OR1L6: variants seen among roughly 807,000 people sequenced by gnomAD.
The protein encoded by OR1L6 is olfactory receptor family 1 subfamily L member 6.
OR1L6 carries 2 observed loss-of-function variants against 3.0 expected under a neutral mutation model. The observed-to-expected ratio is 0.68, with a 90% CI of 0.28 to 2.13. The LOEUF is 2.13. Ranked by LOEUF, OR1L6 falls within the 30% of genes most tolerant of loss-of-function variation. OR1L6 has a pLI of 0.14. For synonymous variants in OR1L6, 121 were observed against 148.4 expected (o/e 0.82, Z 1.34); for missense variants, 304 against 378.4 (o/e 0.80, Z 1.63).
At chr9:122,749,656 T>G in intron 1 of OR1L6, 179 bp from the exon 2 acceptor site, 1 of 685,972 alleles carries the variant, frequency 1.5e-6, no homozygotes, top group East Asian at 2.5e-5. Flanking sequence ...TGCAGTGAGC[T>G]GAGATCACGC....
At chr9:122,743,245 C>A (rs1270372407) in intron 1 of OR1L6, among the ~76,000 whole-genome samples, 2 of 152,062 alleles carry the variant, frequency 1.3e-5, no homozygotes, top group Non-Finnish European at 2.9e-5. Context: ...ATCAGTGATT[C>A]CCAGGAGAAG....
chr9:122,749,768 T>A, intron 1 of OR1L6, 67 bp from the exon 2 acceptor site: 1 of 1,401,970 alleles, frequency 7.1e-7, no homozygotes, highest in Non-Finnish European at 1.0e-6. Context: ...CTTAAGCTTA[T>A]GAAAGAAGCT....
chr9:122,749,508 T>G (rs1828868068), intron 1 of OR1L6, among the ~76,000 whole-genome samples: 3 of 152,138 alleles, frequency 2.0e-5, no homozygotes, highest in Admixed American at 2.0e-4. Context: ...GTAAATATTT[T>G]TTAAAACTGT....
chr9:122,745,408 C>CTTTTTTTTTT lies in OR1L6; in HGVS notation c.-14+3044_-14+3053dup, dbSNP rs71892392. Among the ~76,000 whole-genome samples, 10 of 87,708 alleles carry CTTTTTTTTTT rather than the reference C, an allele frequency of 1.1e-4. 3 individuals carry two copies. The highest frequency in any genetic ancestry group is 1.8e-4 in the African/African-American group (4 of 21,732). 57.5% of individuals were successfully genotyped at this position (87,708 alleles called of 152,430 possible). A position where few individuals can be genotyped will look rare whatever the true frequency, so the allele number is the denominator to read the frequency against. On this transcript the variant is annotated intron_variant, in intron 1 of 1. Transcript: ENST00000304720. The stretch of plus-strand genomic sequence containing the variant: ...ACGAAATGACTATAAATAAACACAC[C>CTTTTTTTTTT]TTTTTTTTTTTTTTTTTTATTTGAG...
At chr9:122,745,994 A>G (rs1404960544) in intron 1 of OR1L6, among the ~76,000 whole-genome samples, 1 of 151,964 alleles carries the variant, frequency 6.6e-6, no homozygotes, top group Non-Finnish European at 1.5e-5. Flanking sequence ...CATGCATTAC[A>G]TATTTGTCCT....
Position 122,745,834 on chromosome 9 carries a change from T to TA in OR1L6, c.-14+3469dup, listed in dbSNP as rs911142788. Among the ~76,000 whole-genome samples, 8 of 151,960 alleles carry TA rather than the reference T, an allele frequency of 5.3e-5. No homozygotes were observed. In the East Asian group the frequency reaches 5.8e-4, roughly 11 times the overall value. ...TCTTTCCACACCACAACAAACACAT[T>TA]AAAAAAAATACTTTTCTTTACAAAA... is the stretch of plus-strand genomic sequence containing the variant. On this transcript the variant is annotated intron_variant, in intron 1 of 1. Transcript: ENST00000304720.
chr9:122,749,658 A>G, intron 1 of OR1L6, 177 bp from the exon 2 acceptor site: 1 of 691,510 alleles, frequency 1.4e-6, no homozygotes. Context: ...CAGTGAGCTG[A>G]GATCACGCCA....
At position 122,750,695 on chromosome 9, in the gene OR1L6, C is replaced by T. The variant is rs1436315145; in HGVS notation, c.848C>T (p.Thr283Ile). 1.2e-6 allele frequency: 2 copies of T among 1,613,840 alleles called. No individual in the cohort carries two copies. Among genetic ancestry groups the T allele is most frequent in the Non-Finnish European group, 1.7e-6 (2 of 1,180,024 alleles). Residue 283 changes from threonine (T) to isoleucine (I), a missense_variant, in exon 2 of 2, where the codon ACA becomes ATA. Coordinates refer to ENST00000304720, the MANE Select transcript of OR1L6 (RefSeq NM_001004453.3). ...RVATVMYTVV[T>I]PMLNPFIYSL... The stretch of plus-strand genomic sequence containing the variant: ...GCCACAGTTATGTACACAGTAGTGA[C>T]ACCCATGCTGAACCCTTTCATCTAC...
At chr9:122,747,398 C>T (rs1828846686) in intron 1 of OR1L6, among the ~76,000 whole-genome samples, 1 of 151,788 alleles carries the variant, frequency 6.6e-6, no homozygotes, top group Non-Finnish European at 1.5e-5. Flanking sequence ...TAATTTTTTT[C>T]AAAATTATTT....
chr9:122,746,395 T>C (rs1351868086), intron 1 of OR1L6, among the ~76,000 whole-genome samples: 8 of 152,216 alleles, frequency 5.3e-5, no homozygotes, highest in Non-Finnish European at 1.0e-4. Context: ...AAATATTGGC[T>C]AACATTACCC....
At position 122,750,615 on chromosome 9, in the gene OR1L6, T is replaced by G. The variant is rs769509826; in HGVS notation, c.768T>G (p.Ile256Met). The G allele has an allele frequency of 6.2e-7, 1 of 1,614,186 alleles. No homozygotes were observed. The highest frequency in any genetic ancestry group is 1.7e-5 in the Admixed American group (1 of 60,024). ...LTAVALFYGSIIYVYFRPLSM... is the reference protein window; with the variant it reads ...LTAVALFYGSMIYVYFRPLSM... ...CAGTAGCCCTTTTCTATGGGAGTAT[T>G]ATTTATGTCTATTTTAGGCCCCTGT... The change falls in exon 2 of 2, where the codon ATT (isoleucine) becomes ATG (methionine). Residue 256 changes from isoleucine to methionine, a missense_variant. This residue lies in a region of OR1L6 where 91 missense variants were observed against 87.8 expected (regional missense o/e 1.04). Transcript: ENST00000304720.
chr9:122,744,852 G>A (rs184897944), intron 1 of OR1L6, among the ~76,000 whole-genome samples: 52 of 152,264 alleles, frequency 3.4e-4, no homozygotes, highest in Non-Finnish European at 5.4e-4. Flanking sequence ...TGACTTGCCC[G>A]AGGCATGAGG....
Position 122,750,221 on chromosome 9 carries a change from T to C in OR1L6, c.374T>C (p.Val125Ala), listed in dbSNP as rs776314638. The C allele has an allele frequency of 3.1e-6, 5 of 1,613,592 alleles. No individual in the cohort carries two copies. Among genetic ancestry groups the C allele is most frequent in the Non-Finnish European group, 4.2e-6 (5 of 1,179,954 alleles). The change falls in exon 2 of 2, where the codon GTG becomes GCG. Residue 125 changes from valine (V) to alanine (A), a missense_variant. Val to Ala is a moderately conservative substitution (Grantham distance 64, BLOSUM62 0). Transcript: ENST00000304720. ...LLASMAIDRL[V>A]AICNPLHYDV... ...GCCTCTATGGCCATCGACCGGCTGG[T>C]GGCCATCTGCAACCCCTTACACTAT... is the stretch of plus-strand genomic sequence containing the variant.
chr9:122,743,162 G>A (rs112437170), intron 1 of OR1L6, among the ~76,000 whole-genome samples: 55 of 152,328 alleles, frequency 3.6e-4, no homozygotes, highest in African/African-American at 1.2e-3. Context: ...GGAGGCACCA[G>A]GAAGAACTAA....
intron 1 of OR1L6, among the ~76,000 whole-genome samples, chr9:122,744,320 G>A (rs1054316343): frequency 5.9e-5 from 9 of 152,052 alleles, no homozygotes; most frequent in African/African-American, 2.2e-4. Flanking sequence ...TGTACTCCCC[G>A]GTTTCATTTG....
intron 1 of OR1L6, among the ~76,000 whole-genome samples, chr9:122,744,942 A>G (rs1314983233): frequency 6.6e-6 from 1 of 152,216 alleles, no homozygotes; most frequent in Non-Finnish European, 1.5e-5. Context: ...ATAAATTTGG[A>G]AAATTCCAAG....
At chr9:122,745,149 T>C (rs1385935195) in intron 1 of OR1L6, among the ~76,000 whole-genome samples, 2 of 152,190 alleles carry the variant, frequency 1.3e-5, no homozygotes, top group Non-Finnish European at 2.9e-5. Flanking sequence ...TAAACTCCAT[T>C]TTAGCATTCC....
intron 1 of OR1L6, among the ~76,000 whole-genome samples, chr9:122,748,569 T>C (rs1466380262): frequency 6.6e-6 from 1 of 152,150 alleles, no homozygotes; most frequent in East Asian, 1.9e-4. Flanking sequence ...AAGTACAGTT[T>C]TGTTACATGA....
chr9:122,746,999 G>T (rs556529975), intron 1 of OR1L6, among the ~76,000 whole-genome samples: 3 of 152,036 alleles, frequency 2.0e-5, no homozygotes, highest in Non-Finnish European at 4.4e-5. Flanking sequence ...TTTCCATCCT[G>T]AGACTGTAAA....
Sources: allele counts gnomAD v4.1 joint callset (sites outside exome capture counted in the v4.1 genomes callset), GRCh38; gene constraint gnomAD v4.1.1; regional missense constraint gnomAD v4.1.1; transcripts MANE v1.5; gene names NCBI Gene and HGNC (gene_info 2026-07-23, HGNC 2026-07-21).